The following USP46 variants were observed in gnomAD, a reference collection of about 807,000 sequenced individuals.
USP46 encodes ubiquitin carboxyl-terminal hydrolase 46.
In USP46, 12 loss-of-function variants were observed where a neutral mutation model predicts 44.4. That is an observed-to-expected ratio of 0.27 (90% CI 0.17 to 0.44). The LOEUF (loss-of-function observed/expected upper bound fraction) is 0.44, where lower values mean the gene tolerates loss of function less well. USP46 is among the 20% of genes least tolerant of loss of function. The pLI is 1.00. For missense variants in USP46, 248 were observed against 444.8 expected (o/e 0.56, Z 3.98); for synonymous variants, 155 against 161.5 (o/e 0.96, Z 0.31).
At chr4:52,646,425 C>A (rs1718552533) in intron 1 of USP46, among the ~76,000 whole-genome samples, 1 of 152,014 alleles carries the variant, frequency 6.6e-6, no homozygotes, top group Non-Finnish European at 1.5e-5. Flanking sequence ...AATAGAGTAG[C>A]AATGGGAGAA....
Position 52,632,918 on chromosome 4 carries a change from GAGAAAGAAAGAAAGAAAGAAAGAA to G in USP46, c.37-1798_37-1775del, listed in dbSNP as rs58983073. Among the ~76,000 whole-genome samples the G allele has an allele frequency of 1.4e-3, 50 of 35,196 alleles. 1 individual carries two copies. The highest frequency in any genetic ancestry group is 4.0e-3 in the African/African-American group (50 of 12,570). The allele number at this position is 35,196 out of a possible 152,430, so 23.1% of individuals were successfully genotyped here. ...AGGAAGGGAAAGAGAAAGAAAGAAA[GAGAAAGAAAGAAAGAAAGAAAGAA>G]AGAAAGAAAGAAAGAAAGAAAGAAA... On this transcript the variant is annotated intron_variant, in intron 1 of 8. Coordinates refer to ENST00000441222, the MANE Select transcript of USP46 (RefSeq NM_022832.4).
At chr4:52,599,123 G>A (rs1233264017) in intron 7 of USP46, among the ~76,000 whole-genome samples, 1 of 152,166 alleles carries the variant, frequency 6.6e-6, no homozygotes, top group Admixed American at 6.5e-5. Context: ...GTGGTGAGAA[G>A]TGTCATGGAG....
At position 52,592,811 on chromosome 4, in the gene USP46, C is replaced by G; in HGVS notation, c.*4829G>C. Reference sequence around the variant, plus strand: ...CTGAGATCTCATCACTGCACTCCAGCCTGGGTGACAGTGAGACTCCATCTT... The same window carrying G: ...CTGAGATCTCATCACTGCACTCCAGGCTGGGTGACAGTGAGACTCCATCTT... On this transcript the variant is annotated 3_prime_UTR_variant, in exon 9 of 9. Coordinates refer to ENST00000441222, the MANE Select transcript of USP46 (RefSeq NM_022832.4). The G allele has an allele frequency of 2.5e-6, 1 of 398,268 alleles. No homozygotes were observed. The highest frequency in any genetic ancestry group is 3.6e-5 in the East Asian group (1 of 28,052). 24.7% of individuals were successfully genotyped at this position (398,268 alleles called of 1,614,324 possible). A position where few individuals can be genotyped will look rare whatever the true frequency, so the allele number is the denominator to read the frequency against.
chr4:52,625,801 G>A (rs1409018007), intron 4 of USP46, among the ~76,000 whole-genome samples: 1 of 152,168 alleles, frequency 6.6e-6, no homozygotes, highest in Admixed American at 6.5e-5. Flanking sequence ...AGCATTTGAG[G>A]AGATTTTCCT....
At chr4:52,642,967 T>C (rs1718406432) in intron 1 of USP46, among the ~76,000 whole-genome samples, 1 of 152,150 alleles carries the variant, frequency 6.6e-6, no homozygotes, top group African/African-American at 2.4e-5. Flanking sequence ...GAACAAAATG[T>C]GTTAATATAT....
intron 1 of USP46, among the ~76,000 whole-genome samples, chr4:52,649,654 G>A (rs1332845836): frequency 1.3e-5 from 2 of 152,160 alleles, no homozygotes; most frequent in African/African-American, 2.4e-5. Flanking sequence ...TAAAATTGGA[G>A]GCATACTGCT....
At chr4:52,632,956 GAA>G (rs1285527030) in intron 1 of USP46, among the ~76,000 whole-genome samples, 75 of 71,680 alleles carry the variant, frequency 1.0e-3, no homozygotes, top group African/African-American at 4.6e-3. Context: ...AAGAAAGAAA[GAA>G]AGAAAGAAAG....
intron 3 of USP46, 78 bp from the exon 4 acceptor site, chr4:52,626,325 TTAAA>T (rs1482977339): frequency 7.9e-7 from 1 of 1,267,570 alleles, no homozygotes; most frequent in Non-Finnish European, 1.1e-6. Context: ...CATGCCATAC[TTAAA>T]TATTTTTTTT....
chr4:52,632,998 G>GAAAAAGAAAGAAAGAAAAGA (rs1197456720), intron 1 of USP46, among the ~76,000 whole-genome samples: 2 of 112,588 alleles, frequency 1.8e-5, no homozygotes. Context: ...AGAAAAGAAA[G>GAAAAAGAAAGAAAGAAAAGA]AAAGAAAGAA....
chr4:52,621,289 C>T lies in USP46; in HGVS notation c.561+4729G>A, dbSNP rs1560399837. On this transcript the variant is annotated intron_variant, in intron 4 of 8. Transcript: ENST00000441222. ...CCTAAAAATCGTAGATCTCACAATC[C>T]AACAATGTATATAAAAGATAAAGCC... Among the ~76,000 whole-genome samples, 6 of 152,064 alleles carry T rather than the reference C, an allele frequency of 3.9e-5. No individual in the cohort carries two copies. In the South Asian group the frequency reaches 1.0e-3, roughly 26 times the overall value.
chr4:52,617,865 G>C (rs925497922), intron 4 of USP46, among the ~76,000 whole-genome samples: 4 of 152,234 alleles, frequency 2.6e-5, no homozygotes, highest in Admixed American at 6.5e-5. Context: ...CTATCACTAA[G>C]AGACTCCAAT....
Position 52,631,129 on chromosome 4 carries a change from C to T in USP46, c.52G>A (p.Ala18Thr). ...TCTGGACCAATGTCTTTTTCCAGAG[C>T]AGAGGCATTGGTGCCCTAAAAGAGA... is the stretch of plus-strand genomic sequence containing the variant. ...SICNMGTNASALEKDIGPEQF... is the reference protein window; with the variant it reads ...SICNMGTNASTLEKDIGPEQF... The change falls in exon 2 of 9, where the codon GCT becomes ACT. Residue 18 changes from alanine to threonine, a missense_variant. Physicochemically the swap from Ala to Thr is moderately conservative, Grantham distance 58. Around this residue, in one of 5 missense-constraint regions of USP46, gnomAD observed 31 missense variants for 32.5 expected, o/e 0.96. Transcript: ENST00000441222. 9.0e-6 allele frequency: 14 copies of T among 1,561,746 alleles called. No individual in the cohort carries two copies. Among genetic ancestry groups the T allele is most frequent in the Non-Finnish European group, 1.2e-5 (14 of 1,151,150 alleles).
At chr4:52,606,088 G>A (rs944730631) in intron 5 of USP46, among the ~76,000 whole-genome samples, 3 of 152,218 alleles carry the variant, frequency 2.0e-5, no homozygotes, top group African/African-American at 7.2e-5. Flanking sequence ...TATGTGGGCA[G>A]TGCACTTGTC....
At chr4:52,607,199 G>A (rs1405143855) in intron 5 of USP46, among the ~76,000 whole-genome samples, 5 of 152,216 alleles carry the variant, frequency 3.3e-5, no homozygotes. Flanking sequence ...AATACCTAAT[G>A]TAAAGACCCA....
chr4:52,647,058 T>C (rs1261115228), intron 1 of USP46, among the ~76,000 whole-genome samples: 1 of 152,218 alleles, frequency 6.6e-6, no homozygotes, highest in Non-Finnish European at 1.5e-5. Flanking sequence ...AACCGAAGAC[T>C]AGAAAACTAC....
intron 1 of USP46, among the ~76,000 whole-genome samples, chr4:52,644,347 C>T (rs1305693707): frequency 2.0e-5 from 3 of 152,138 alleles, no homozygotes; most frequent in African/African-American, 4.8e-5. Context: ...AACAAGAAGG[C>T]AGTCAAGGGG....
In USP46 at chr4:52,592,791, A is replaced by G. The variant is rs1028184827; in HGVS notation, c.*4849T>C. On this transcript the variant is annotated 3_prime_UTR_variant, in exon 9 of 9. Coordinates refer to ENST00000441222, the MANE Select transcript of USP46 (RefSeq NM_022832.4). ...GAGGCAGAGGTTGCAGTGAGCTGAG[A>G]TCTCATCACTGCACTCCAGCCTGGG... 9 of 398,202 alleles carry G rather than the reference A, an allele frequency of 2.3e-5. No individual in the cohort carries two copies. The highest frequency in any genetic ancestry group is 4.0e-5 in the Non-Finnish European group (9 of 226,132). 24.7% of individuals were successfully genotyped at this position (398,202 alleles called of 1,614,324 possible). A position where few individuals can be genotyped will look rare whatever the true frequency, so the allele number is the denominator to read the frequency against.
intron 1 of USP46, among the ~76,000 whole-genome samples, chr4:52,641,228 T>A (rs571546048): frequency 2.0e-5 from 3 of 151,954 alleles, no homozygotes; most frequent in African/African-American, 7.2e-5. Context: ...TCTTGGGGGG[T>A]AAATCACAGG....
rs1366705200 is a variant in USP46 at position 52,597,653 on chromosome 4, T to A, written c.1088A>T (p.Gln363Leu). ...CAGGTCTTTCAGTTACTCTCTTGACTGATAGAATAAAATATATCCAGATTC... is the reference window on the plus strand; with the variant it reads ...CAGGTCTTTCAGTTACTCTCTTGACAGATAGAATAAAATATATCCAGATTC... ...NSESGYILFY[Q>L]SRE Residue 363 changes from glutamine to leucine, a missense_variant, in exon 9 of 9, where the codon CAG (glutamine) becomes CTG (leucine). Gln to Leu is a moderately radical substitution (Grantham distance 113). Around this residue, in one of 5 missense-constraint regions of USP46, gnomAD observed 28 missense variants for 28.5 expected, o/e 0.98. Coordinates refer to ENST00000441222, the MANE Select transcript of USP46 (RefSeq NM_022832.4). 6.3e-7 allele frequency: 1 copy of A among 1,586,826 alleles called. No homozygotes were observed.
Sources: allele counts gnomAD v4.1 joint callset (sites outside exome capture counted in the v4.1 genomes callset), GRCh38; gene constraint gnomAD v4.1.1; regional missense constraint gnomAD v4.1.1; transcripts MANE v1.5; gene names NCBI Gene and HGNC (gene_info 2026-07-23, HGNC 2026-07-21).